EVC2: variants seen among roughly 807,000 people sequenced by gnomAD.
The protein encoded by EVC2 is EvC ciliary complex subunit 2.
Under a neutral mutation model 149.3 loss-of-function variants are expected in EVC2, and 148 were observed. The ratio of observed to expected loss-of-function variants is 0.99; its 90% CI spans 0.87 to 1.14. The LOEUF is 1.14. Among genes scored for constraint, EVC2 ranks in the 50% most tolerant of loss-of-function variants. The pLI is 0.00. For missense variants in EVC2, 1,854 were observed against 1,627.3 expected, an observed-to-expected ratio of 1.14 and a Z score of -2.40; for synonymous variants, 776 against 649.9, an observed-to-expected ratio of 1.19 and a Z score of -2.95.
rs140010437 is a variant in EVC2 at position 5,625,941 on chromosome 4, G to T, written c.1887-33C>A. On this transcript the variant is annotated intron_variant, in intron 12 of 21. Transcript: ENST00000344408. This position sits in a 1 kb window ranked among gnomAD's most constrained non-coding sequence, Gnocchi z 4.0. ...GAAAGGATGTAAAGTTAGGAATGTGGTCTCCAAACTCACCTGTAGCTTAAC... is the reference window on the plus strand; with the variant it reads ...GAAAGGATGTAAAGTTAGGAATGTGTTCTCCAAACTCACCTGTAGCTTAAC... 3.7e-5 allele frequency: 60 copies of T among 1,612,862 alleles called. No homozygotes were observed. The African/African-American group carries it at 6.9e-4, about 19-fold the overall frequency.
chr4:5,646,150 C>T (rs1297666916), intron 9 of EVC2, among the ~76,000 whole-genome samples: 1 of 152,136 alleles, frequency 6.6e-6, no homozygotes, highest in Non-Finnish European at 1.5e-5. Context: ...AGGCTGGTCT[C>T]GAACTCCTGA....
intron 11 of EVC2, 101 bp downstream of exon 11, chr4:5,631,692 A>G: frequency 6.7e-7 from 1 of 1,491,968 alleles, no homozygotes; most frequent in Non-Finnish European, 9.1e-7. Flanking sequence ...TCACTAGTGC[A>G]CAGTACAAAG....
chr4:5,704,273 T>C (rs1722001644), intron 1 of EVC2, among the ~76,000 whole-genome samples: 1 of 152,094 alleles, frequency 6.6e-6, no homozygotes, highest in South Asian at 2.1e-4. Flanking sequence ...GTGTTGATTG[T>C]GGGTGTGTTT....
At chr4:5,638,506 C>T (rs980542204) in intron 10 of EVC2, among the ~76,000 whole-genome samples, 10 of 152,056 alleles carry the variant, frequency 6.6e-5, no homozygotes, top group Non-Finnish European at 8.8e-5. Flanking sequence ...CCTAAGGGCT[C>T]GGCTCAAGGA....
At chr4:5,559,456 A>G (rs896542796), downstream of EVC2, among the ~76,000 whole-genome samples, 2 of 152,212 alleles carry the variant, frequency 1.3e-5, no homozygotes, top group Non-Finnish European at 2.9e-5. The surrounding 1 kb of genome is among the most constrained non-coding windows in gnomAD (Gnocchi z 5.0). Context: ...CTCAGAGTTT[A>G]GTTTCTAATA....
At position 5,618,478 on chromosome 4, in the gene EVC2, C is replaced by G. The variant is rs771222380; in HGVS notation, c.2706G>C (p.Gln902His). 2.5e-6 allele frequency: 4 copies of G among 1,612,788 alleles called. No individual in the cohort carries two copies. In the Admixed American group the frequency reaches 6.7e-5, roughly 27 times the overall value. The change falls in exon 15 of 22, where the codon CAG becomes CAC. Residue 902 changes from glutamine to histidine, a missense_variant and splice_region_variant. Physicochemically the swap from Gln to His is conservative, Grantham distance 24. Transcript: ENST00000344408. This position sits in a 1 kb window ranked among gnomAD's most constrained non-coding sequence, Gnocchi z 4.4. ...LDQAVAAPEL[Q>H]QQSKVRKSRS... Reference sequence around the variant, plus strand: ...TCGGCCACTGACAGGTCCATCCTACCTGCAGCTCAGGGGCAGCCACGGCCT... The same window carrying G: ...TCGGCCACTGACAGGTCCATCCTACGTGCAGCTCAGGGGCAGCCACGGCCT...
intron 9 of EVC2, among the ~76,000 whole-genome samples, chr4:5,649,039 A>G (rs1717924127): frequency 6.6e-6 from 1 of 152,204 alleles, no homozygotes; most frequent in African/African-American, 2.4e-5. Context: ...TTCAGACAAC[A>G]ATGAAATACA....
At chr4:5,547,072 G>A (rs1021104918) in intron 21 of EVC2, among the ~76,000 whole-genome samples, 6 of 152,240 alleles carry the variant, frequency 3.9e-5, no homozygotes, top group African/African-American at 1.4e-4. Context: ...GGGGGTCCAG[G>A]AAGGCCCCCA....
chr4:5,600,388 T>A (rs1277086822), intron 16 of EVC2, among the ~76,000 whole-genome samples: 1 of 152,212 alleles, frequency 6.6e-6, no homozygotes, highest in Non-Finnish European at 1.5e-5. Context: ...GTTTGCCATA[T>A]TGAGCGTTTC....
At chr4:5,676,678 T>C (rs1005961246) in intron 7 of EVC2, among the ~76,000 whole-genome samples, 2 of 152,116 alleles carry the variant, frequency 1.3e-5, no homozygotes, top group African/African-American at 2.4e-5. Context: ...CCAACTTTAA[T>C]TAAATCTTAC....
chr4:5,594,309 T>G (rs945233777), intron 16 of EVC2, among the ~76,000 whole-genome samples: 1 of 152,184 alleles, frequency 6.6e-6, no homozygotes, highest in Non-Finnish European at 1.5e-5. Context: ...GCAGCCTAAC[T>G]GGGAGGCACC....
intron 16 of EVC2, among the ~76,000 whole-genome samples, chr4:5,605,400 G>A (rs770221680): frequency 6.6e-5 from 10 of 152,304 alleles, no homozygotes; most frequent in Admixed American, 2.0e-4. Flanking sequence ...TGGTGAGCCT[G>A]CTGGGCTCCA....
At chr4:5,530,237 G>A in the EVC2 span, among the ~76,000 whole-genome samples, 12 of 152,264 alleles carry the variant, frequency 7.9e-5, no homozygotes, top group East Asian at 1.9e-4. Flanking sequence ...AAAATTGAGC[G>A]TAAAATCCCA....
At chr4:5,673,212 G>GCTA (rs751992236) in intron 7 of EVC2, among the ~76,000 whole-genome samples, 4 of 152,196 alleles carry the variant, frequency 2.6e-5, no homozygotes, top group Non-Finnish European at 5.9e-5. Context: ...AGCCGCTATT[G>GCTA]CTACTACTGT....
At position 5,576,183 on chromosome 4, in the gene EVC2, G is replaced by A; in HGVS notation, c.3272+57C>T. On this transcript the variant is annotated intron_variant, in intron 18 of 21. Transcript: ENST00000344408. The surrounding 1 kb of genome is among the most constrained non-coding windows in gnomAD (Gnocchi z 4.5). Reference sequence around the variant, plus strand: ...GGGTGGGCTGAGTTGGAGATGCCAGGTTCTCCAGGACTGCTGGGGACTAAT... The same window carrying A: ...GGGTGGGCTGAGTTGGAGATGCCAGATTCTCCAGGACTGCTGGGGACTAAT... 1 of 1,613,368 alleles carries A rather than the reference G, an allele frequency of 6.2e-7. No homozygotes were observed. The highest frequency in any genetic ancestry group is 1.3e-5 in the African/African-American group (1 of 75,042).
chr4:5,679,278 C>G lies in EVC2; in HGVS notation c.870+1982G>C, dbSNP rs1005085162. ...TGAGACAGAGTCTCACTCTGTTAAC[C>G]AGGCTGGAGTGCAGTGGCATGATCT... On this transcript the variant is annotated intron_variant, in intron 7 of 21. Transcript: ENST00000344408. This position sits in a 1 kb window ranked among gnomAD's most constrained non-coding sequence, Gnocchi z 5.1. Among the ~76,000 whole-genome samples the G allele has an allele frequency of 6.6e-6, 1 of 152,046 alleles. No individual in the cohort carries two copies. Among genetic ancestry groups the G allele is most frequent in the Non-Finnish European group, 1.5e-5 (1 of 68,012 alleles).
chr4:5,702,872 A>T (rs1721911523), intron 1 of EVC2, among the ~76,000 whole-genome samples: 1 of 152,228 alleles, frequency 6.6e-6, no homozygotes, highest in Admixed American at 6.5e-5. Flanking sequence ...CATCTGTAAA[A>T]TGGGAATGTT....
chr4:5,611,137 G>C (rs748426982), intron 16 of EVC2, among the ~76,000 whole-genome samples: 9 of 152,146 alleles, frequency 5.9e-5, no homozygotes, highest in Non-Finnish European at 1.2e-4. Context: ...TGGAAGAAGT[G>C]ATAACTAGTA....
chr4:5,663,253 G>C lies in EVC2; in HGVS notation c.1006-7C>G. 6.2e-7 allele frequency: 1 copy of C among 1,613,932 alleles called. No individual in the cohort carries two copies. On this transcript the variant is annotated splice_region_variant and splice_polypyrimidine_tract_variant and intron_variant, in intron 8 of 21. Transcript: ENST00000344408. The stretch of plus-strand genomic sequence containing the variant: ...TGCTCTCATACTGCCAAACCTTCAG[G>C]AGAATTGCGGAAATAATAATTGATT...
Sources: gnomAD v4.1 joint callset for allele counts (sites outside exome capture counted in the v4.1 genomes callset) on GRCh38, gnomAD v4.1.1 for gene constraint, Gnocchi (gnomAD v3.1) non-coding constraint, MANE v1.5 for transcripts, NCBI Gene and HGNC (gene_info 2026-07-23, HGNC 2026-07-21) for gene names.